The following CFAP54 variants were observed in gnomAD, a reference collection of about 807,000 sequenced individuals.
The protein encoded by CFAP54 is cilia and flagella associated protein 54.
CFAP54 carries 290 observed loss-of-function variants against 370.4 expected under a neutral mutation model. The observed-to-expected ratio is 0.78, with a 90% CI of 0.71 to 0.86. The LOEUF is 0.86. Ranked by LOEUF, CFAP54 falls within the 40% of genes least tolerant of loss-of-function variation. The pLI, the probability that CFAP54 is intolerant of heterozygous loss-of-function variation, is 0.00. For missense variants in CFAP54, 3,399 were observed against 3,528.7 expected (o/e 0.96, Z 0.93); for synonymous variants, 1,206 against 1,236.5 (o/e 0.98, Z 0.52).
chr12:96,794,439 CTT>C (rs35900285), intron 63 of CFAP54, among the ~76,000 whole-genome samples: 1 of 145,460 alleles, frequency 6.9e-6, no homozygotes, highest in African/African-American at 2.5e-5. Context: ...TTTTTTTATT[CTT>C]TTTTTTTTTG....
chr12:96,498,066 G>A (rs921743214), intron 1 of CFAP54, among the ~76,000 whole-genome samples: 1 of 152,230 alleles, frequency 6.6e-6, no homozygotes, highest in Non-Finnish European at 1.5e-5. Context: ...TCTTTGGCAA[G>A]TGAGCAAAGT....
At chr12:96,636,059 AC>A (rs1466830290) in intron 32 of CFAP54, among the ~76,000 whole-genome samples, 4 of 152,126 alleles carry the variant, frequency 2.6e-5, no homozygotes, top group Admixed American at 2.0e-4. Flanking sequence ...GATTAAGATA[AC>A]CTATATCCTG....
intron 47 of CFAP54, among the ~76,000 whole-genome samples, chr12:96,707,129 A>G (rs545199260): frequency 6.6e-6 from 1 of 152,292 alleles, no homozygotes; most frequent in East Asian, 1.9e-4. Flanking sequence ...GGCCAGTAGG[A>G]TAGGAAGGAA....
intron 4 of CFAP54, among the ~76,000 whole-genome samples, chr12:96,510,926 G>C (rs1955158445): frequency 6.9e-6 from 1 of 145,066 alleles, no homozygotes; most frequent in African/African-American, 2.6e-5. Flanking sequence ...TTGCACCACT[G>C]TACTCCAGCC....
At chr12:96,541,387 G>A (rs1955570110) in intron 14 of CFAP54, among the ~76,000 whole-genome samples, 1 of 150,846 alleles carries the variant, frequency 6.6e-6, no homozygotes, top group Non-Finnish European at 1.5e-5. Flanking sequence ...CCAGGTTCAA[G>A]CGATTCTCCT....
At chr12:96,722,875 A>G (rs1957774743) in intron 50 of CFAP54, among the ~76,000 whole-genome samples, 1 of 152,174 alleles carries the variant, frequency 6.6e-6, no homozygotes, top group African/African-American at 2.4e-5. Flanking sequence ...AGGAGTCAAA[A>G]AAGAAGTGGT....
At chr12:96,869,504 A>G (rs968715889) in intron 67 of CFAP54, among the ~76,000 whole-genome samples, 1 of 152,228 alleles carries the variant, frequency 6.6e-6, no homozygotes, top group African/African-American at 2.4e-5. Flanking sequence ...AAAGAGAAAC[A>G]GTTCTGCAGG....
At chr12:96,840,486 G>A (rs916142884) in intron 66 of CFAP54, among the ~76,000 whole-genome samples, 1 of 152,136 alleles carries the variant, frequency 6.6e-6, no homozygotes, top group Non-Finnish European at 1.5e-5. Flanking sequence ...AGTAATGACA[G>A]TACTCTCTAA....
In CFAP54 at chr12:96,875,395, A is replaced by G. The variant is rs1418164655; in HGVS notation, c.*292A>G. On this transcript the variant is annotated 3_prime_UTR_variant, in exon 68 of 68. Coordinates refer to ENST00000524981, the MANE Select transcript of CFAP54 (RefSeq NM_001306084.2). Reference sequence around the variant, plus strand: ...CTCCCAGTAGGGCAGTTTAACTCCTATCTTCTCTGTGAGTTCCAGGTCTGT... The same window carrying G: ...CTCCCAGTAGGGCAGTTTAACTCCTGTCTTCTCTGTGAGTTCCAGGTCTGT... The G allele has an allele frequency of 6.6e-6, 1 of 152,114 alleles. No individual in the cohort carries two copies. Among genetic ancestry groups the G allele is most frequent in the Non-Finnish European group, 1.5e-5 (1 of 68,012 alleles). The allele number at this position is 152,114 out of a possible 1,614,324, so 9.4% of individuals were successfully genotyped here.
At chr12:96,804,711 A>G (rs1958859680) in intron 63 of CFAP54, among the ~76,000 whole-genome samples, 2 of 151,990 alleles carry the variant, frequency 1.3e-5, no homozygotes, top group Middle Eastern at 3.2e-3. Context: ...TACAGGTTCA[A>G]TATTTTTCAC....
intron 50 of CFAP54, among the ~76,000 whole-genome samples, chr12:96,732,850 C>G (rs940690766): frequency 2.0e-5 from 3 of 150,124 alleles, no homozygotes; most frequent in Non-Finnish European, 4.4e-5. Context: ...ATATAATTCT[C>G]TATAGAACTG....
intron 38 of CFAP54, among the ~76,000 whole-genome samples, chr12:96,660,961 A>G (rs1956987896): frequency 6.6e-6 from 1 of 152,146 alleles, no homozygotes; most frequent in Non-Finnish European, 1.5e-5. Flanking sequence ...ATACAGATGA[A>G]GAGATACATA....
chr12:96,558,884 T>C (rs1187772194), intron 17 of CFAP54, among the ~76,000 whole-genome samples: 1 of 152,094 alleles, frequency 6.6e-6, no homozygotes, highest in Non-Finnish European at 1.5e-5. Context: ...AATAGGATCA[T>C]ATCAAGTTAA....
chr12:96,746,775 G>A (rs73381206), intron 55 of CFAP54, among the ~76,000 whole-genome samples: 2,332 of 152,172 alleles, frequency 0.015, 61 homozygotes, highest in African/African-American at 0.053. Flanking sequence ...CTTTGCACAT[G>A]CGATTTTCTC....
At chr12:96,500,074 GATAA>G (rs1277571380) in intron 1 of CFAP54, among the ~76,000 whole-genome samples, 8 of 152,178 alleles carry the variant, frequency 5.3e-5, no homozygotes, top group African/African-American at 1.9e-4. Context: ...CATGTGCGTG[GATAA>G]ATAAACTGTA....
chr12:96,587,507 C>T (rs1956084850), intron 22 of CFAP54, among the ~76,000 whole-genome samples: 2 of 152,136 alleles, frequency 1.3e-5, no homozygotes, highest in South Asian at 2.1e-4. Flanking sequence ...ATCTGTTCTG[C>T]ACATCACTAC....
intron 39 of CFAP54, among the ~76,000 whole-genome samples, chr12:96,676,429 C>G (rs149433397): frequency 2.1e-4 from 32 of 152,256 alleles, no homozygotes; most frequent in Non-Finnish European, 2.6e-4. Context: ...TGGTCCCCCC[C>G]ACCTAAATGT....
At chr12:96,617,571 TTGAAAGCAGGGG>T (rs1400442277) in intron 26 of CFAP54, among the ~76,000 whole-genome samples, 1 of 152,238 alleles carries the variant, frequency 6.6e-6, no homozygotes, top group Non-Finnish European at 1.5e-5. Flanking sequence ...GGTGACACCA[TTGAAAGCAGGGG>T]TCCCATGCAA....
Position 96,521,840 on chromosome 12 carries a change from A to G in CFAP54, c.943-17A>G, listed in dbSNP as rs529394004. The G allele has an allele frequency of 6.8e-7, 1 of 1,473,570 alleles. No homozygotes were observed. The highest frequency in any genetic ancestry group is 2.5e-5 in the East Asian group (1 of 40,160). The allele number at this position is 1,473,570 out of a possible 1,614,324, so 91.3% of individuals were successfully genotyped here. On this transcript the variant is annotated splice_polypyrimidine_tract_variant and intron_variant, in intron 6 of 67. Coordinates refer to ENST00000524981, the MANE Select transcript of CFAP54 (RefSeq NM_001306084.2). ...ATATTCTGATTTATGAATTAAATTT[A>G]TTTTAATCACATGTAGGCATTTGCT...
Sources: allele counts gnomAD v4.1 joint callset (sites outside exome capture counted in the v4.1 genomes callset), GRCh38; gene constraint gnomAD v4.1.1; transcripts MANE v1.5; gene names NCBI Gene and HGNC (gene_info 2026-07-23, HGNC 2026-07-21).